NOL11: variants seen among roughly 807,000 people sequenced by gnomAD.
NOL11 encodes the protein nucleolar protein 11.
Under a neutral mutation model 93.0 loss-of-function variants are expected in NOL11, and 42 were observed. That is an observed-to-expected ratio of 0.45 (90% CI 0.35 to 0.58). NOL11 has a LOEUF of 0.58. Ranked by LOEUF, NOL11 falls within the 20% of genes least tolerant of loss-of-function variation. The pLI is 0.00. For synonymous variants in NOL11, 296 were observed against 293.7 expected, an observed-to-expected ratio of 1.01 and a Z score of -0.08; for missense variants, 775 against 841.8, an observed-to-expected ratio of 0.92 and a Z score of 0.98.
intron 7 of NOL11, among the ~76,000 whole-genome samples, chr17:67,733,554 T>G (rs1360910382): frequency 6.6e-6 from 1 of 152,184 alleles, no homozygotes; most frequent in Non-Finnish European, 1.5e-5. Context: ...GCAAGCACCT[T>G]TGTCTTTTTC....
chr17:67,735,091 T>C (rs939340480), intron 8 of NOL11, among the ~76,000 whole-genome samples: 2 of 152,232 alleles, frequency 1.3e-5, no homozygotes, highest in Non-Finnish European at 2.9e-5. Context: ...AATGTTACCA[T>C]GAAATTACAT....
intron 7 of NOL11, among the ~76,000 whole-genome samples, chr17:67,732,561 TTC>T (rs562381226): frequency 2.1e-4 from 32 of 152,152 alleles, no homozygotes; most frequent in African/African-American, 7.0e-4. Context: ...GGAATTATTT[TTC>T]TCTTTTTTTA....
chr17:67,726,776 T>C (rs893218990), intron 7 of NOL11, 128 bp downstream of exon 7: 4 of 663,184 alleles, frequency 6.0e-6, no homozygotes, highest in Admixed American at 4.0e-5. Context: ...GCATACTCAA[T>C]TTTTTTTGTG....
At chr17:67,743,615 T>A (rs1311409792) in intron 17 of NOL11, 29 bp downstream of exon 17, 2 of 1,377,688 alleles carry the variant, frequency 1.5e-6, no homozygotes, top group Non-Finnish European at 2.0e-6. Flanking sequence ...TATACTGATT[T>A]TATTTGTACC....
intron 7 of NOL11, among the ~76,000 whole-genome samples, chr17:67,730,807 C>G (rs2055147467): frequency 6.6e-6 from 1 of 152,218 alleles, no homozygotes; most frequent in Non-Finnish European, 1.5e-5. Flanking sequence ...TAGTTATACT[C>G]TTTTCGTTGT....
intron 7 of NOL11, among the ~76,000 whole-genome samples, chr17:67,733,404 T>C (rs1372630031): frequency 6.6e-6 from 1 of 152,170 alleles, no homozygotes; most frequent in Non-Finnish European, 1.5e-5. Flanking sequence ...TTTTTCTTCT[T>C]CTTGCCTGGC....
At chr17:67,737,382 G>C in intron 11 of NOL11, 126 bp from the exon 12 acceptor site, 1 of 805,630 alleles carries the variant, frequency 1.2e-6, no homozygotes, top group Non-Finnish European at 2.0e-6. Context: ...TGCAGTGTCA[G>C]CTTCAGCTTT....
At position 67,743,752 on chromosome 17, in the gene NOL11, T is replaced by C; in HGVS notation, c.2053T>C (p.Tyr685His). ...AAACTCTTTTCTTTAGATATCTGTT[T>C]ATTCTGAGCTCAACAAGATTGAAGT... ...YKLVKSQISVYSELNKIEVSF... is the reference protein window; with the variant it reads ...YKLVKSQISVHSELNKIEVSF... Residue 685 changes from tyrosine (Y) to histidine (H), a missense_variant, in exon 18 of 18, where the codon TAT becomes CAT. Tyr to His is a moderately conservative substitution (Grantham distance 83). Around this residue, in one of 2 missense-constraint regions of NOL11, gnomAD observed 416 missense variants for 525.2 expected, o/e 0.79. Transcript: ENST00000253247. 6.6e-7 allele frequency: 1 copy of C among 1,513,084 alleles called. No individual in the cohort carries two copies. The highest frequency in any genetic ancestry group is 8.9e-7 in the Non-Finnish European group (1 of 1,124,188). The allele number at this position is 1,513,084 out of a possible 1,614,324, so 93.7% of individuals were successfully genotyped here. A position where few individuals can be genotyped will look rare whatever the true frequency, so the allele number is the denominator to read the frequency against.
chr17:67,737,524 A>C lies in NOL11; in HGVS notation c.1235A>C (p.His412Pro), dbSNP rs1320992113. 6.2e-7 allele frequency: 1 copy of C among 1,602,394 alleles called. No individual in the cohort carries two copies. The highest frequency in any genetic ancestry group is 8.5e-7 in the Non-Finnish European group (1 of 1,176,752). The change falls in exon 12 of 18, where the codon CAC (histidine) becomes CCC (proline). Residue 412 changes from histidine (H) to proline (P), a missense_variant. Transcript: ENST00000253247. ...LSTIMKDSEKHIEVEVRKFLA... is the reference protein window; with the variant it reads ...LSTIMKDSEKPIEVEVRKFLA... ...CGCTTTCAGAAAGATTCAGAAAAACACATTGAAGTAGAAGTACGGAAATTT... is the reference window on the plus strand; with the variant it reads ...CGCTTTCAGAAAGATTCAGAAAAACCCATTGAAGTAGAAGTACGGAAATTT...
In NOL11 at chr17:67,717,944, C is replaced by CA; in HGVS notation, c.1dup. ...GAGCGCGGCCGTACTTAGGTTTGCT[C>CA]AAAATGGCAGCGCTGGAGGAAGAAT... On this transcript the variant is annotated 5_prime_UTR_variant, in exon 1 of 18. Coordinates refer to ENST00000253247, the MANE Select transcript of NOL11 (RefSeq NM_015462.5). 2.5e-6 allele frequency: 4 copies of CA among 1,614,026 alleles called. No individual in the cohort carries two copies. Among genetic ancestry groups the CA allele is most frequent in the Non-Finnish European group, 3.4e-6 (4 of 1,179,970 alleles).
At chr17:67,729,119 A>T (rs1599040645) in intron 7 of NOL11, among the ~76,000 whole-genome samples, 1 of 148,782 alleles carries the variant, frequency 6.7e-6, no homozygotes, top group East Asian at 2.0e-4. Flanking sequence ...TTTGAGACAG[A>T]GTTTTAGTCT....
intron 3 of NOL11, among the ~76,000 whole-genome samples, chr17:67,720,595 C>G (rs2043211315): frequency 6.6e-6 from 1 of 152,170 alleles, no homozygotes; most frequent in African/African-American, 2.4e-5. Flanking sequence ...GCCACTGCGC[C>G]TGGCCCATGT....
At chr17:67,734,213 T>C in intron 7 of NOL11, 150 bp from the exon 8 acceptor site, 1 of 588,438 alleles carries the variant, frequency 1.7e-6, no homozygotes, top group East Asian at 3.2e-5. Flanking sequence ...TGAGCTCTCA[T>C]TTCTTCCAGT....
At chr17:67,726,394 A>G in intron 6 of NOL11, 66 bp from the exon 7 acceptor site, 7 of 1,315,610 alleles carry the variant, frequency 5.3e-6, no homozygotes, top group Non-Finnish European at 7.2e-6. Context: ...ACAACCTAGT[A>G]CATTTAACTG....
chr17:67,722,079 C>G (rs112343562), intron 4 of NOL11, among the ~76,000 whole-genome samples: 72 of 152,286 alleles, frequency 4.7e-4, no homozygotes, highest in Middle Eastern at 3.4e-3. Flanking sequence ...TACAACGTGG[C>G]CAATAACCAG....
intron 4 of NOL11, among the ~76,000 whole-genome samples, chr17:67,721,783 A>G (rs568390328): frequency 2.0e-5 from 3 of 152,102 alleles, no homozygotes; most frequent in African/African-American, 7.2e-5. Context: ...AAAAGACCAA[A>G]ATCTTTTTGT....
Position 67,739,552 on chromosome 17 carries a change from T to A in NOL11, c.1879T>A (p.Cys627Ser). ...GTATTTGTATTTCCTGTACCTGAAG[T>A]GTAGCGAAAATGCTACTATGACTCT... ...LKYLYFLYLK[C>S]SENATMTLPG... The change falls in exon 16 of 18, where the codon TGT (cysteine) becomes AGT (serine). Residue 627 changes from cysteine (C) to serine (S), a missense_variant. Coordinates refer to ENST00000253247, the MANE Select transcript of NOL11 (RefSeq NM_015462.5). The A allele has an allele frequency of 6.2e-7, 1 of 1,601,376 alleles. No individual in the cohort carries two copies. Among genetic ancestry groups the A allele is most frequent in the Non-Finnish European group, 8.5e-7 (1 of 1,176,072 alleles).
chr17:67,719,729 C>T lies in NOL11; in HGVS notation c.197C>T (p.Thr66Ile). 7 of 1,610,788 alleles carry T rather than the reference C, an allele frequency of 4.3e-6. No individual in the cohort carries two copies. Among genetic ancestry groups the T allele is most frequent in the Non-Finnish European group, 5.9e-6 (7 of 1,179,008 alleles). Residue 66 changes from threonine (T) to isoleucine (I), a missense_variant, in exon 2 of 18, where the codon ACA becomes ATA. Physicochemically the swap from Thr to Ile is moderately conservative, Grantham distance 89. This residue lies in a region of NOL11 where 359 missense variants were observed against 316.5 expected (regional missense o/e 1.13). Transcript: ENST00000253247. ...TCAGTGAAACAAGGTCAAATTATAACATGTCCAGCTGTGTGCAACTTTCAA... is the reference window on the plus strand; with the variant it reads ...TCAGTGAAACAAGGTCAAATTATAATATGTCCAGCTGTGTGCAACTTTCAA... ...SWSVKQGQII[T>I]CPAVCNFQTG...
At chr17:67,725,416 G>A (rs992779446) in intron 6 of NOL11, among the ~76,000 whole-genome samples, 2 of 152,056 alleles carry the variant, frequency 1.3e-5, no homozygotes, top group African/African-American at 2.4e-5. Context: ...AAAAGTCTTT[G>A]TGGTACCCTC....
Sources: allele counts gnomAD v4.1 joint callset (sites outside exome capture counted in the v4.1 genomes callset), GRCh38; gene constraint gnomAD v4.1.1; regional missense constraint gnomAD v4.1.1; transcripts MANE v1.5; gene names NCBI Gene and HGNC (gene_info 2026-07-23, HGNC 2026-07-21).